Variants in RIMBP2 observed in about 807,000 individuals in gnomAD.
RIMBP2 encodes the protein RIMS-binding protein 2.
A neutral mutation model predicts 118.6 loss-of-function variants in RIMBP2; 48 were observed. The observed-to-expected ratio is 0.40, with a 90% CI of 0.32 to 0.51. The LOEUF is 0.51. Among genes scored for constraint, RIMBP2 ranks in the 20% least tolerant of loss-of-function variants. The pLI, the probability that RIMBP2 is intolerant of heterozygous loss-of-function variation, is 0.41. For missense variants in RIMBP2, 1,551 were observed against 1,768.3 expected (o/e 0.88, Z 2.20); for synonymous variants, 762 against 742.9 (o/e 1.03, Z -0.42).
At chr12:130,563,014 T>C (rs1361406475) in intron 2 of RIMBP2, among the ~76,000 whole-genome samples, 1 of 152,240 alleles carries the variant, frequency 6.6e-6, no homozygotes, top group East Asian at 1.9e-4. Flanking sequence ...TTGACTTTAC[T>C]GATCTCATCT....
intron 11 of RIMBP2, among the ~76,000 whole-genome samples, chr12:130,441,128 C>T (rs941271893): frequency 1.1e-4 from 17 of 152,236 alleles, no homozygotes; most frequent in African/African-American, 4.1e-4. Flanking sequence ...CGTATGCATG[C>T]TTAGAGGCTT....
At chr12:130,484,161 A>G (rs2082288174) in intron 4 of RIMBP2, among the ~76,000 whole-genome samples, 1 of 152,134 alleles carries the variant, frequency 6.6e-6, no homozygotes, top group Non-Finnish European at 1.5e-5. Context: ...CCCTGGCCCC[A>G]TGTCGCATCC....
At chr12:130,668,934 A>T (rs12423208) in intron 1 of RIMBP2, among the ~76,000 whole-genome samples, 55,053 of 152,190 alleles carry the variant, frequency 0.36, 10,112 homozygotes, top group East Asian at 0.41. Flanking sequence ...CAGCGTTAGC[A>T]GGGCAATTAT....
chr12:130,560,357 G>A (rs547773535), intron 2 of RIMBP2, among the ~76,000 whole-genome samples: 3 of 152,172 alleles, frequency 2.0e-5, no homozygotes, highest in Admixed American at 1.3e-4. Context: ...ACCTCAGCCC[G>A]GTGGTCATCT....
rs2076615037 is a variant in RIMBP2, at chr12:130,424,265, G to A, written c.3006C>T (p.Gly1002=). 8.1e-7 allele frequency: 1 copy of A among 1,231,666 alleles called. No individual in the cohort carries two copies. Among genetic ancestry groups the A allele is most frequent in the African/African-American group, 1.6e-5 (1 of 64,368 alleles). The allele number at this position is 1,231,666 out of a possible 1,614,324, so 76.3% of individuals were successfully genotyped here. Residue 1002 remains glycine, a synonymous_variant, in exon 16 of 23, where the codon GGC becomes GGT. Coordinates refer to ENST00000690449, the MANE Select transcript of RIMBP2 (RefSeq NM_001393629.1). This position sits in a 1 kb window ranked among gnomAD's most constrained non-coding sequence, Gnocchi z 9.8. ...GPERPPPRKH[G]WGEPTEHQDF... is the part of the protein sequence containing the mutation. ...CTTGGTGCTCGGTGGGCTCGCCCCA[G>A]CCGTGCTTCCTGGGGGGCGGCCTCT...
chr12:130,473,174 A>G (rs1405115913), intron 5 of RIMBP2, among the ~76,000 whole-genome samples: 1 of 152,224 alleles, frequency 6.6e-6, no homozygotes, highest in Admixed American at 6.5e-5. Flanking sequence ...TGCAGGTGCA[A>G]ACTGGGCCAT....
intron 2 of RIMBP2, among the ~76,000 whole-genome samples, chr12:130,568,201 G>A (rs150706168): frequency 6.6e-6 from 1 of 152,264 alleles, no homozygotes. Flanking sequence ...AACTTCTAAA[G>A]CAAAGCTCAA....
At chr12:130,565,513 C>T (rs1033197921) in intron 2 of RIMBP2, among the ~76,000 whole-genome samples, 3 of 152,186 alleles carry the variant, frequency 2.0e-5, no homozygotes, top group African/African-American at 7.2e-5. Flanking sequence ...TGGGCTCAAA[C>T]TATGTGTCAA....
At chr12:130,577,312 T>A (rs1020338011) in intron 2 of RIMBP2, among the ~76,000 whole-genome samples, 8 of 152,160 alleles carry the variant, frequency 5.3e-5, no homozygotes, top group Admixed American at 1.3e-4. Context: ...CTAGCTATAA[T>A]TATAACTGCC....
chr12:130,532,879 G>A lies in RIMBP2; in HGVS notation c.-216-14962C>T, dbSNP rs112674699. Reference sequence around the variant, plus strand: ...CTAGGAGGGACGTCTAATGAGATGCGTATGTTTAGCCTCTAGGAGTTACGT... The same window carrying A: ...CTAGGAGGGACGTCTAATGAGATGCATATGTTTAGCCTCTAGGAGTTACGT... On this transcript the variant is annotated intron_variant, in intron 2 of 22. Transcript: ENST00000690449. Among the ~76,000 whole-genome samples the A allele has an allele frequency of 9.9e-3, 1,480 of 149,956 alleles. 19 individuals are homozygous for A. Among genetic ancestry groups the A allele is most frequent in the African/African-American group, 0.034 (1,385 of 40,214 alleles).
Position 130,442,530 on chromosome 12 carries a change from G to A in RIMBP2, c.822C>T (p.Ile274=), listed in dbSNP as rs370867240. Reference sequence around the variant, plus strand: ...CCAGGATGTGCTCTCCCTCCAGGCCGATGCCGGAATGGTTGATGAAGTTCT... The same window carrying A: ...CCAGGATGTGCTCTCCCTCCAGGCCAATGCCGGAATGGTTGATGAAGTTCT... The part of the protein sequence containing the change: ...QDQNFINHSG[I]GLEGEHILDL... The change falls in exon 11 of 23, where the codon ATC becomes ATT. Residue 274 remains isoleucine, a synonymous_variant. Coordinates refer to ENST00000690449, the MANE Select transcript of RIMBP2 (RefSeq NM_001393629.1). This position sits in a 1 kb window ranked among gnomAD's most constrained non-coding sequence, Gnocchi z 6.9. 83 of 1,614,026 alleles carry A rather than the reference G, an allele frequency of 5.1e-5. No individual in the cohort carries two copies. The African/African-American group carries it at 5.7e-4, about 11-fold the overall frequency.
In RIMBP2 at chr12:130,664,395, A is replaced by ACACG. The variant is rs1335398063; in HGVS notation, c.-351-35943_-351-35940dup. Reference sequence around the variant, plus strand: ...TGCATGCACGCACGCGCATGCACACACACGCACGCACGCACGCACACACAC... The same window carrying ACACG: ...TGCATGCACGCACGCGCATGCACACACACGCACGCACGCACGCACGCACACACAC... On this transcript the variant is annotated intron_variant, in intron 1 of 22. Coordinates refer to ENST00000690449, the MANE Select transcript of RIMBP2 (RefSeq NM_001393629.1). 3.1e-5 allele frequency among the ~76,000 whole-genome samples: 4 copies of ACACG among 128,618 alleles called. 1 individual carries two copies. Among genetic ancestry groups the ACACG allele is most frequent in the East Asian group, 2.3e-4 (1 of 4,302 alleles). 84.4% of individuals were successfully genotyped at this position (128,618 alleles called of 152,430 possible). A position where few individuals can be genotyped will look rare whatever the true frequency, so the allele number is the denominator to read the frequency against.
chr12:130,634,445 T>C (rs1481334955), intron 1 of RIMBP2, among the ~76,000 whole-genome samples: 2 of 152,108 alleles, frequency 1.3e-5, no homozygotes, highest in Admixed American at 6.5e-5. Flanking sequence ...AAATGAACAA[T>C]TAGCCTCAGG....
chr12:130,685,698 T>A (rs74501214), intron 1 of RIMBP2, among the ~76,000 whole-genome samples: 2,641 of 152,270 alleles, frequency 0.017, 81 homozygotes, highest in African/African-American at 0.061. Flanking sequence ...ATCCCGCGAC[T>A]CTTTATGTTC....
chr12:130,690,639 CTG>C lies in RIMBP2; in HGVS notation c.-352+25581_-352+25582del, dbSNP rs575334789. Among the ~76,000 whole-genome samples the C allele has an allele frequency of 1.5e-3, 227 of 152,288 alleles. 1 individual carries two copies. The highest frequency in any genetic ancestry group is 5.0e-3 in the African/African-American group (209 of 41,568). ...CAACCAATGGTCCTGATTGCAATAA[CTG>C]TACTATTTTAGCATAATCTTTAGGG... On this transcript the variant is annotated intron_variant, in intron 1 of 22. Transcript: ENST00000690449.
chr12:130,490,921 G>C (rs2048581848), intron 4 of RIMBP2, among the ~76,000 whole-genome samples: 1 of 152,108 alleles, frequency 6.6e-6, no homozygotes, highest in Non-Finnish European at 1.5e-5. Flanking sequence ...GGAGCGAAGT[G>C]GGAAGCGGTC....
At chr12:130,585,011 C>T (rs964950127) in intron 2 of RIMBP2, among the ~76,000 whole-genome samples, 4 of 152,102 alleles carry the variant, frequency 2.6e-5, no homozygotes, top group Admixed American at 2.0e-4. Context: ...CTACCTCCTG[C>T]GTAGCTAGAA....
chr12:130,506,762 T>C lies in RIMBP2; in HGVS notation c.-118A>G. On this transcript the variant is annotated 5_prime_UTR_variant, in exon 4 of 23. Coordinates refer to ENST00000690449, the MANE Select transcript of RIMBP2 (RefSeq NM_001393629.1). ...GCGGATGGTTGAGATGCACATACTC[T>C]GCCTTCACCTGCAAGCGGAAGGGAT... 1.3e-5 allele frequency: 13 copies of C among 985,722 alleles called. No homozygotes were observed. The highest frequency in any genetic ancestry group is 1.6e-5 in the Non-Finnish European group (13 of 829,932). 61.1% of individuals were successfully genotyped at this position (985,722 alleles called of 1,614,324 possible). A position where few individuals can be genotyped will look rare whatever the true frequency, so the allele number is the denominator to read the frequency against.
chr12:130,599,001 T>TA lies in RIMBP2; in HGVS notation c.-217+29320dup, dbSNP rs564052707. Among the ~76,000 whole-genome samples, 241 of 152,266 alleles carry TA rather than the reference T, an allele frequency of 1.6e-3. 1 individual carries two copies. The highest frequency in any genetic ancestry group is 5.5e-3 in the African/African-American group (227 of 41,550). Reference sequence around the variant, plus strand: ...GGATTACAGCTGTGAGCCACCACACTAAGTTACAACTGATTTTAACAAAGA... The same window carrying TA: ...GGATTACAGCTGTGAGCCACCACACTAAAGTTACAACTGATTTTAACAAAGA... On this transcript the variant is annotated intron_variant, in intron 2 of 22. Coordinates refer to ENST00000690449, the MANE Select transcript of RIMBP2 (RefSeq NM_001393629.1).
Sources: allele counts gnomAD v4.1 joint callset (sites outside exome capture counted in the v4.1 genomes callset), GRCh38; gene constraint gnomAD v4.1.1; non-coding constraint Gnocchi (gnomAD v3.1); transcripts MANE v1.5; gene names NCBI Gene and HGNC (gene_info 2026-07-23, HGNC 2026-07-21).